The following CRYBG3 variants were observed in gnomAD, a reference collection of about 807,000 sequenced individuals.
CRYBG3 encodes crystallin beta-gamma domain containing 3.
Under a neutral mutation model 244.2 loss-of-function variants are expected in CRYBG3, and 127 were observed. The ratio of observed to expected loss-of-function variants is 0.52; its 90% CI spans 0.45 to 0.60. CRYBG3 has a LOEUF of 0.60. CRYBG3 is among the 20% of genes least tolerant of loss of function. The probability of loss-of-function intolerance (pLI) is 0.00; values close to 1 mark genes in which losing one functional copy is unlikely to be tolerated. For synonymous variants in CRYBG3, 1,132 were observed against 1,195.8 expected (o/e 0.95, Z 1.10); for missense variants, 3,325 against 3,442.5 (o/e 0.97, Z 0.85).
rs2108217750 is a variant in CRYBG3 at position 97,875,535 on chromosome 3, T to C, written c.4341T>C (p.Ser1447=). ...DDRVKTHLFR[S]EDCNETMEIE... ...GGGTAAAAACACATTTATTTCGCAG[T>C]GAGGACTGTAATGAGACAATGGAAA... The change falls in exon 4 of 22, where the codon AGT becomes AGC. Residue 1447 remains serine (S), a synonymous_variant. Coordinates refer to ENST00000389622, the MANE Select transcript of CRYBG3 (RefSeq NM_153605.4). 1 of 1,264,646 alleles carries C rather than the reference T, an allele frequency of 7.9e-7. No homozygotes were observed. Among genetic ancestry groups the C allele is most frequent in the East Asian group, 3.1e-5 (1 of 32,634 alleles). 78.3% of individuals were successfully genotyped at this position (1,264,646 alleles called of 1,614,324 possible). A position where few individuals can be genotyped will look rare whatever the true frequency, so the allele number is the denominator to read the frequency against.
At chr3:97,881,900 C>T (rs140962390) in intron 7 of CRYBG3, among the ~76,000 whole-genome samples, 1 of 150,606 alleles carries the variant, frequency 6.6e-6, no homozygotes, top group East Asian at 1.9e-4. Context: ...CTGTAATACT[C>T]CTAGTAATAT....
intron 1 of CRYBG3, among the ~76,000 whole-genome samples, chr3:97,825,771 G>A (rs2038569333): frequency 6.6e-6 from 1 of 152,162 alleles, no homozygotes; most frequent in Non-Finnish European, 1.5e-5. Flanking sequence ...GTGAATGGGT[G>A]GGACCAGGCT....
chr3:97,943,051 A>G (rs1449899633), intron 21 of CRYBG3, 175 bp from the exon 22 acceptor site: 5 of 574,026 alleles, frequency 8.7e-6, no homozygotes, highest in African/African-American at 1.9e-5. Context: ...ATAAGGTCCA[A>G]TTTGAGGTGA....
chr3:97,938,055 A>T (rs2040183771), intron 19 of CRYBG3, among the ~76,000 whole-genome samples: 1 of 151,986 alleles, frequency 6.6e-6, no homozygotes, highest in Non-Finnish European at 1.5e-5. Context: ...CCCAAGTGAA[A>T]CTGTCAGGGG....
intron 2 of CRYBG3, among the ~76,000 whole-genome samples, chr3:97,857,129 A>T (rs2039076717): frequency 1.3e-5 from 2 of 151,520 alleles, no homozygotes; most frequent in Admixed American, 1.3e-4. Flanking sequence ...TTCTTTTTTC[A>T]TCGGTCATTC....
chr3:97,841,341 C>CAT (rs1271222398), intron 1 of CRYBG3, among the ~76,000 whole-genome samples: 4 of 149,510 alleles, frequency 2.7e-5, no homozygotes, highest in African/African-American at 5.0e-5. Flanking sequence ...TGTATATATG[C>CAT]ATATATATAT....
Position 97,864,629 on chromosome 3 carries a change from A to G in CRYBG3, c.629A>G (p.Glu210Gly). The G allele has an allele frequency of 6.6e-7, 1 of 1,517,374 alleles. No homozygotes were observed. The highest frequency in any genetic ancestry group is 8.8e-7 in the Non-Finnish European group (1 of 1,139,010). The allele number at this position is 1,517,374 out of a possible 1,614,324, so 94.0% of individuals were successfully genotyped here. The change falls in exon 3 of 22, where the codon GAA becomes GGA. Residue 210 changes from glutamate (E) to glycine (G), a missense_variant. Glu to Gly is a moderately conservative substitution (Grantham distance 98). Transcript: ENST00000389622. ...SLDTTQDSDQETTNLLKQIDG... is the reference protein window; with the variant it reads ...SLDTTQDSDQGTTNLLKQIDG... ...GATACAACACAAGACAGTGACCAAG[A>G]AACCACTAATTTGCTAAAGTAAGTT...
At position 97,875,169 on chromosome 3, in the gene CRYBG3, T is replaced by G; in HGVS notation, c.3975T>G (p.Phe1325Leu). ...AAGAAAAATTGAGAAATGATACTTT[T>G]GAAGATACTGAGGATACTTGGGATT... ...VAQEKLRNDT[F>L]EDTEDTWDSE... The change falls in exon 4 of 22, where the codon TTT (phenylalanine) becomes TTG (leucine). Residue 1325 changes from phenylalanine (F) to leucine (L), a missense_variant. By Grantham distance (22) the Phe-to-Leu change is conservative (BLOSUM62 0). Transcript: ENST00000389622. 6.5e-7 allele frequency: 1 copy of G among 1,535,448 alleles called. No homozygotes were observed. Among genetic ancestry groups the G allele is most frequent in the Middle Eastern group, 1.7e-4 (1 of 5,982 alleles).
intron 10 of CRYBG3, 24 bp from the exon 11 acceptor site, chr3:97,892,836 T>C: frequency 7.8e-7 from 1 of 1,284,632 alleles, no homozygotes; most frequent in Non-Finnish European, 1.1e-6. Flanking sequence ...TATTAAAATA[T>C]AAACATGTTA....
At chr3:97,867,165 G>A (rs983233209) in intron 3 of CRYBG3, 1 of 152,110 alleles carries the variant, frequency 6.6e-6, no homozygotes, top group Admixed American at 6.6e-5. Context: ...AAACTTATAG[G>A]GATTCTGGAA....
chr3:97,933,781 C>A lies in CRYBG3; in HGVS notation c.8329C>A (p.Leu2777Met). Residue 2777 changes from leucine (L) to methionine (M), a missense_variant, in exon 18 of 22, where the codon CTG (leucine) becomes ATG (methionine). By Grantham distance (15) the Leu-to-Met change is conservative. Around this residue, in one of 4 missense-constraint regions of CRYBG3, gnomAD observed 714 missense variants for 803.6 expected, o/e 0.89. Coordinates refer to ENST00000389622, the MANE Select transcript of CRYBG3 (RefSeq NM_153605.4). The part of the protein sequence containing the change: ...LHLEEAVNSV[L>M]NKDLHFYTQS... Reference sequence around the variant, plus strand: ...TCTAGAAGAGGCTGTGAACTCTGTTCTGAACAAGGACCTACACTTCTACAC... The same window carrying A: ...TCTAGAAGAGGCTGTGAACTCTGTTATGAACAAGGACCTACACTTCTACAC... 2 of 1,612,778 alleles carry A rather than the reference C, an allele frequency of 1.2e-6. No individual in the cohort carries two copies. Among genetic ancestry groups the A allele is most frequent in the African/African-American group, 1.3e-5 (1 of 74,940 alleles).
At chr3:97,911,142 A>G (rs2039867217) in intron 15 of CRYBG3, among the ~76,000 whole-genome samples, 1 of 152,246 alleles carries the variant, frequency 6.6e-6, no homozygotes, top group South Asian at 2.1e-4. Flanking sequence ...GCAGAATGAG[A>G]TAACCAAGAA....
At chr3:97,881,285 G>T in intron 7 of CRYBG3, 66 bp downstream of exon 7, 1 of 1,098,622 alleles carries the variant, frequency 9.1e-7, no homozygotes, top group South Asian at 2.0e-5. Context: ...CCTGTGCTGT[G>T]GCCTGGCGAT....
At chr3:97,846,922 T>C (rs1457153745) in intron 2 of CRYBG3, among the ~76,000 whole-genome samples, 1 of 152,192 alleles carries the variant, frequency 6.6e-6, no homozygotes, top group Non-Finnish European at 1.5e-5. Context: ...AGAAAAGGCG[T>C]TTCATTGGCT....
chr3:97,910,350 G>A (rs1460759799), intron 15 of CRYBG3, among the ~76,000 whole-genome samples: 1 of 152,192 alleles, frequency 6.6e-6, no homozygotes, highest in East Asian at 1.9e-4. Flanking sequence ...CCCCAGCCTG[G>A]CTGCCGCCTT....
intron 20 of CRYBG3, 53 bp from the exon 21 acceptor site, chr3:97,942,231 A>C: frequency 1.3e-6 from 2 of 1,527,362 alleles, no homozygotes; most frequent in Non-Finnish European, 1.8e-6. Flanking sequence ...ACCTAATTCA[A>C]CTTACTTTAG....
intron 1 of CRYBG3, among the ~76,000 whole-genome samples, chr3:97,831,796 A>G (rs536706511): frequency 7.9e-5 from 12 of 152,106 alleles, no homozygotes; most frequent in Non-Finnish European, 1.8e-4. Context: ...AGTTTTATTT[A>G]TTCTAAATTA....
chr3:97,943,536 T>A lies in CRYBG3; in HGVS notation c.*222T>A, dbSNP rs1166085566. The A allele has an allele frequency of 6.1e-6, 3 of 488,966 alleles. No individual in the cohort carries two copies. The highest frequency in any genetic ancestry group is 2.7e-5 in the South Asian group (1 of 36,616). The allele number at this position is 488,966 out of a possible 1,614,324, so 30.3% of individuals were successfully genotyped here. A position where few individuals can be genotyped will look rare whatever the true frequency, so the allele number is the denominator to read the frequency against. On this transcript the variant is annotated 3_prime_UTR_variant, in exon 22 of 22. Transcript: ENST00000389622. ...TTCCTATAAAGAAAATATTATGATA[T>A]CTTGGAAAGGTTCTATTCCTGATCT... is the stretch of plus-strand genomic sequence containing the variant.
chr3:97,882,811 T>C (rs1298233702), intron 7 of CRYBG3, among the ~76,000 whole-genome samples: 1 of 152,216 alleles, frequency 6.6e-6, no homozygotes, highest in East Asian at 1.9e-4. Context: ...AACTCTAAGT[T>C]ATAAAGGTGT....
Sources: allele counts gnomAD v4.1 joint callset (sites outside exome capture counted in the v4.1 genomes callset), GRCh38; gene constraint gnomAD v4.1.1; regional missense constraint gnomAD v4.1.1; transcripts MANE v1.5; gene names NCBI Gene and HGNC (gene_info 2026-07-23, HGNC 2026-07-21).